The following GNG8 variants were observed in gnomAD, a reference collection of about 807,000 sequenced individuals.
The protein encoded by GNG8 is guanine nucleotide-binding protein G(I)/G(S)/G(O) subunit gamma-8.
In GNG8, 3 loss-of-function variants were observed where a neutral mutation model predicts 4.6. The observed-to-expected ratio is 0.65, with a 90% CI of 0.29 to 1.67. GNG8 has a LOEUF of 1.67. Among genes scored for constraint, GNG8 ranks in the 40% most tolerant of loss-of-function variants. The probability of loss-of-function intolerance (pLI) is 0.10; values close to 1 mark genes in which losing one functional copy is unlikely to be tolerated. For missense variants in GNG8, 88 were observed against 95.2 expected (o/e 0.92, Z 0.32); for synonymous variants, 32 against 40.5 (o/e 0.79, Z 0.80).
At chr19:46,636,620 C>T (rs115034159), upstream of GNG8, among the ~76,000 whole-genome samples, 8,177 of 152,106 alleles carry the variant, frequency 0.054, 524 homozygotes, top group South Asian at 0.14. Context: ...ACCACACAAC[C>T]TCACGAATGA....
chr19:46,635,240 C>G (rs3810296), intron 1 of GNG8, among the ~76,000 whole-genome samples: 126,214 of 151,466 alleles, frequency 0.83, 52,856 homozygotes, highest in East Asian at 0.93. Context: ...GCAGCCAGGG[C>G]AGAGGGCTGG....
rs749687673 is a variant in GNG8, at chr19:46,634,663, T to C, written c.20A>G (p.Lys7Arg). Residue 7 changes from lysine (K) to arginine (R), a missense_variant, in exon 2 of 3, where the codon AAG (lysine) becomes AGG (arginine). By Grantham distance (26) the Lys-to-Arg change is conservative. Transcript: ENST00000693335. MSNNMA[K>R]IAEARKTVEQ... ...CACCGTCTTGCGGGCCTCGGCAATC[T>C]TGGCCATGTTGTTGGACATGGTTGC... 5.1e-5 allele frequency: 83 copies of C among 1,612,896 alleles called. No individual in the cohort carries two copies. The South Asian group carries it at 7.7e-4, about 15-fold the overall frequency.
chr19:46,634,930 G>A (rs1203593214), intron 1 of GNG8, among the ~76,000 whole-genome samples: 3 of 151,986 alleles, frequency 2.0e-5, no homozygotes, highest in Admixed American at 6.6e-5. Context: ...AGAGAGCAGG[G>A]AGGGGCGAGG....
chr19:46,638,141 GTC>G (rs2052880202), upstream of GNG8: 1 of 152,852 alleles, frequency 6.5e-6, no homozygotes, highest in Non-Finnish European at 1.5e-5. This position sits in a 1 kb window ranked among gnomAD's most constrained non-coding sequence, Gnocchi z 4.7. Context: ...GTCACACACG[GTC>G]TCTCACTCCC....
intron 1 of GNG8, among the ~76,000 whole-genome samples, chr19:46,635,871 A>G (rs2052865293): frequency 6.8e-6 from 1 of 146,416 alleles, no homozygotes; most frequent in South Asian, 2.2e-4. Flanking sequence ...GGGAGGGAGG[A>G]AGGAGCAGAG....
Position 46,634,396 on chromosome 19 carries a change from C to T in GNG8, c.85-192G>A, listed in dbSNP as rs1599779744. ...CCCGCCCCTCGTCCTGGCCCCTCCC[C>T]TGCCCCATCCCTCCCCTCGTCCTGG... On this transcript the variant is annotated intron_variant, in intron 2 of 2. Coordinates refer to ENST00000693335, the MANE Select transcript of GNG8 (RefSeq NM_033258.2). 2.1e-5 allele frequency among the ~76,000 whole-genome samples: 3 copies of T among 142,882 alleles called. 1 individual carries two copies. The highest frequency in any genetic ancestry group is 7.8e-5 in the African/African-American group (3 of 38,500). 93.7% of individuals were successfully genotyped at this position (142,882 alleles called of 152,430 possible). A position where few individuals can be genotyped will look rare whatever the true frequency, so the allele number is the denominator to read the frequency against.
At position 46,634,007 on chromosome 19, in the gene GNG8, G is replaced by A; in HGVS notation, c.*69C>T. 6.5e-7 allele frequency: 1 copy of A among 1,535,206 alleles called. No homozygotes were observed. The highest frequency in any genetic ancestry group is 1.4e-5 in the African/African-American group (1 of 72,874). On this transcript the variant is annotated 3_prime_UTR_variant, in exon 3 of 3. Transcript: ENST00000693335. ...GTGCCTCAGTCTCCCTGAAAGCACA[G>A]GCACCACCACAGTTACCAAGTTTAT... is the stretch of plus-strand genomic sequence containing the variant.
At chr19:46,635,182 GC>G (rs200857560) in intron 1 of GNG8, among the ~76,000 whole-genome samples, 2 of 151,802 alleles carry the variant, frequency 1.3e-5, no homozygotes, top group Non-Finnish European at 2.9e-5. Flanking sequence ...CCCTCAGGGA[GC>G]CCCCCCACCC....
In GNG8 at chr19:46,636,191, G is replaced by C. The variant is rs2052867472; in HGVS notation, c.-88C>G. On this transcript the variant is annotated 5_prime_UTR_variant, in exon 1 of 3. Transcript: ENST00000693335. ...GGCTCGCGGCGGTGACAGAGGCTGG[G>C]AGGCAGCGTCTGGGTCCCTCCGGCC... is the stretch of plus-strand genomic sequence containing the variant. 2.0e-5 allele frequency among the ~76,000 whole-genome samples: 3 copies of C among 152,026 alleles called. No homozygotes were observed. Among genetic ancestry groups the C allele is most frequent in the Admixed American group, 2.0e-4 (3 of 15,282 alleles).
chr19:46,634,758 C>A, intron 1 of GNG8, 33 bp from the exon 2 acceptor site: 2 of 1,211,672 alleles, frequency 1.7e-6, no homozygotes, highest in Non-Finnish European at 1.2e-6. Context: ...GTCTGGGTCC[C>A]GAGGTGGGGG....
chr19:46,636,100 G>C (rs1490179930), intron 1 of GNG8, among the ~76,000 whole-genome samples, 47 bp downstream of exon 1: 3 of 152,072 alleles, frequency 2.0e-5, no homozygotes. Flanking sequence ...GGTGGCCACG[G>C]AGCAGGCAAA....
chr19:46,638,216 A>G (rs1242370821), upstream of GNG8: 1 of 152,660 alleles, frequency 6.6e-6, no homozygotes, highest in African/African-American at 2.4e-5. The surrounding 1 kb of genome is among the most constrained non-coding windows in gnomAD (Gnocchi z 4.7). Context: ...ACCCGATCAC[A>G]CATAACCTTT....
upstream of GNG8, among the ~76,000 whole-genome samples, chr19:46,636,480 C>T (rs1001978633): frequency 6.6e-6 from 1 of 152,200 alleles, no homozygotes; most frequent in African/African-American, 2.4e-5. Context: ...TCACAACAAA[C>T]CTCTCCAGTG....
upstream of GNG8, among the ~76,000 whole-genome samples, chr19:46,636,306 C>T (rs2052868814): frequency 6.6e-6 from 1 of 152,074 alleles, no homozygotes; most frequent in Non-Finnish European, 1.5e-5. Flanking sequence ...TTGGGGCTCC[C>T]TCTCTGGGCC....
intron 1 of GNG8, among the ~76,000 whole-genome samples, 119 bp from the exon 2 acceptor site, chr19:46,634,844 A>G (rs1295546731): frequency 1.3e-5 from 2 of 150,466 alleles, no homozygotes; most frequent in African/African-American, 4.9e-5. Context: ...TGGTGGAGGG[A>G]GGGACAGATG....
At chr19:46,636,522 C>T (rs1278796703), upstream of GNG8, among the ~76,000 whole-genome samples, 1 of 152,188 alleles carries the variant, frequency 6.6e-6, no homozygotes, top group African/African-American at 2.4e-5. Context: ...CAGCCACACT[C>T]GCCACCTCGG....
intron 1 of GNG8, among the ~76,000 whole-genome samples, chr19:46,634,944 G>A (rs2122392053): frequency 6.6e-6 from 1 of 152,074 alleles, no homozygotes; most frequent in East Asian, 1.9e-4. Context: ...GGCGAGGGAG[G>A]GAAGGAGGGG....
chr19:46,634,106 G>C lies in GNG8; in HGVS notation c.183C>G (p.Arg61=). 6.2e-7 allele frequency: 1 copy of C among 1,613,902 alleles called. No individual in the cohort carries two copies. Among genetic ancestry groups the C allele is most frequent in the Non-Finnish European group, 8.5e-7 (1 of 1,179,942 alleles). Reference sequence around the variant, plus strand: ...GCAGAACACAAAAGAGGCGCTTGTCGCGGAAGGGGTTCTCCGCGGCGGGTA... The same window carrying C: ...GCAGAACACAAAAGAGGCGCTTGTCCCGGAAGGGGTTCTCCGCGGCGGGTA... ...TPVPAAENPF[R]DKRLFCVLL Residue 61 remains arginine (R), a synonymous_variant, in exon 3 of 3, where the codon CGC becomes CGG. Coordinates refer to ENST00000693335, the MANE Select transcript of GNG8 (RefSeq NM_033258.2).
chr19:46,635,894 T>C (rs2052865402), intron 1 of GNG8, among the ~76,000 whole-genome samples: 2 of 130,072 alleles, frequency 1.5e-5, no homozygotes, highest in Non-Finnish European at 3.2e-5. Flanking sequence ...ACCAAGGAGA[T>C]AAAGGAACAG....
Sources: gnomAD v4.1 joint callset for allele counts (sites outside exome capture counted in the v4.1 genomes callset) on GRCh38, gnomAD v4.1.1 for gene constraint, Gnocchi (gnomAD v3.1) non-coding constraint, MANE v1.5 for transcripts, NCBI Gene and HGNC (gene_info 2026-07-23, HGNC 2026-07-21) for gene names.